The following CEP63 variants were observed in gnomAD, a reference collection of about 807,000 sequenced individuals.
CEP63 encodes centrosomal protein 63, also known as centrosomal protein of 63 kDa.
CEP63 carries 84 observed loss-of-function variants against 89.1 expected under a neutral mutation model. The ratio of observed to expected loss-of-function variants is 0.94; its 90% confidence interval spans 0.79 to 1.13. CEP63 has a LOEUF of 1.13. Among genes scored for constraint, CEP63 ranks in the 50% most tolerant of loss-of-function variants. The probability of loss-of-function intolerance (pLI) is 0.00; values close to 1 mark genes in which losing one functional copy is unlikely to be tolerated. For synonymous variants in CEP63, 267 were observed against 272.5 expected (o/e 0.98, Z 0.20); for missense variants, 838 against 813.3 (o/e 1.03, Z -0.37).
chr3:134,755,452 G>T, the CEP63 span, among the ~76,000 whole-genome samples: 1 of 152,204 alleles, frequency 6.6e-6, no homozygotes, highest in South Asian at 2.1e-4. Context: ...TATATGCACA[G>T]GGCACTTTGG....
At chr3:134,717,596 T>C in the CEP63 span, among the ~76,000 whole-genome samples, 1 of 152,140 alleles carries the variant, frequency 6.6e-6, no homozygotes, top group South Asian at 2.1e-4. Flanking sequence ...GCCAGTAACA[T>C]AGTGTGTGTA....
chr3:134,502,321 G>A (rs893804114), intron 2 of CEP63, among the ~76,000 whole-genome samples: 7 of 151,992 alleles, frequency 4.6e-5, no homozygotes, highest in African/African-American at 1.7e-4. Flanking sequence ...TTTGGTATCA[G>A]GGTGATGTTG....
At chr3:134,769,122 G>C in the CEP63 span, among the ~76,000 whole-genome samples, 1 of 151,368 alleles carries the variant, frequency 6.6e-6, no homozygotes, top group Non-Finnish European at 1.5e-5. Flanking sequence ...GATTTTTTTT[G>C]TGAGCTCCAA....
At chr3:134,533,481 ACTTC>A (rs1184645713) in intron 5 of CEP63, among the ~76,000 whole-genome samples, 1 of 152,186 alleles carries the variant, frequency 6.6e-6, no homozygotes, top group Non-Finnish European at 1.5e-5. Flanking sequence ...TAAGGCATTC[ACTTC>A]CTTCTCTGCT....
chr3:134,494,367 C>T (rs567408182), intron 1 of CEP63, among the ~76,000 whole-genome samples: 4 of 151,978 alleles, frequency 2.6e-5, no homozygotes, highest in South Asian at 2.1e-4. Context: ...CCGCCTCCCT[C>T]GGCCTCCCAA....
intron 2 of CEP63, among the ~76,000 whole-genome samples, chr3:134,504,114 T>TC (rs1491136676): frequency 4.7e-4 from 43 of 91,894 alleles, no homozygotes; most frequent in Admixed American, 2.0e-3. Context: ...TCTCTCTCTC[T>TC]TTTTTTTTTT....
chr3:134,768,826 A>C, the CEP63 span, among the ~76,000 whole-genome samples: 2 of 152,224 alleles, frequency 1.3e-5, no homozygotes, highest in African/African-American at 4.8e-5. Context: ...TAGGGAGACT[A>C]TCCAGACTTG....
the CEP63 span, among the ~76,000 whole-genome samples, chr3:134,624,674 G>A: frequency 9.9e-5 from 15 of 152,016 alleles, no homozygotes; most frequent in Non-Finnish European, 1.6e-4. Flanking sequence ...CTGCATCCAC[G>A]GTCCTCCCAT....
At chr3:134,552,808 A>G (rs1026283386) in intron 12 of CEP63, 1 of 152,154 alleles carries the variant, frequency 6.6e-6, no homozygotes, top group African/African-American at 2.4e-5. Flanking sequence ...AGTAGGTGCT[A>G]TAATGAACAC....
chr3:134,514,958 A>G (rs529709215), intron 3 of CEP63, among the ~76,000 whole-genome samples: 4 of 152,274 alleles, frequency 2.6e-5, no homozygotes, highest in Non-Finnish European at 2.9e-5. Context: ...GGCTTAAGCA[A>G]TCCTACCTCA....
chr3:134,522,003 G>A (rs1279240631), intron 3 of CEP63, among the ~76,000 whole-genome samples: 1 of 152,058 alleles, frequency 6.6e-6, no homozygotes, highest in African/African-American at 2.4e-5. Context: ...ATTTTGGTTT[G>A]CAAATCAAAC....
downstream of CEP63, among the ~76,000 whole-genome samples, chr3:134,579,036 C>A (rs144242669): frequency 3.6e-3 from 550 of 152,360 alleles, 8 homozygotes; most frequent in African/African-American, 0.013. Flanking sequence ...GGATTACAGG[C>A]GTGAGCCACT....
rs763593633 is a variant in CEP63, at chr3:134,564,352, T to TC, written c.*2822dup. The TC allele has an allele frequency of 1.0e-6, 1 of 985,260 alleles. No individual in the cohort carries two copies. Among genetic ancestry groups the TC allele is most frequent in the South Asian group, 4.7e-5 (1 of 21,288 alleles). 61.0% of individuals were successfully genotyped at this position (985,260 alleles called of 1,614,324 possible). On this transcript the variant is annotated 3_prime_UTR_variant, in exon 15 of 15. Coordinates refer to ENST00000675561, the MANE Select transcript of CEP63 (RefSeq NM_001353108.3). ...ACACCCTGTCATGTGCTCCTAAAAC[T>TC]CCCCCTTTACTTGGCTACTTTATCT...
At chr3:134,739,634 A>G in the CEP63 span, among the ~76,000 whole-genome samples, 2 of 152,222 alleles carry the variant, frequency 1.3e-5, no homozygotes, top group African/African-American at 4.8e-5. Context: ...AAAGACAGCA[A>G]TCTATAGGAT....
chr3:134,486,549 G>A, intron 1 of CEP63: 3 of 985,422 alleles, frequency 3.0e-6, no homozygotes, highest in Non-Finnish European at 3.6e-6. Flanking sequence ...GCTTCGGAGA[G>A]TGGCCAGGTG....
At chr3:134,762,184 C>G in the CEP63 span, among the ~76,000 whole-genome samples, 1 of 152,124 alleles carries the variant, frequency 6.6e-6, no homozygotes, top group Admixed American at 6.5e-5. Flanking sequence ...GGTTCAGACT[C>G]TAAAATATCA....
the CEP63 span, among the ~76,000 whole-genome samples, chr3:134,679,727 G>C: frequency 1.3e-5 from 2 of 152,110 alleles, no homozygotes; most frequent in Non-Finnish European, 2.9e-5. Flanking sequence ...TGGCAATTTT[G>C]TTTGTTTGTT....
At position 134,492,711 on chromosome 3, in the gene CEP63, A is replaced by T. The variant is rs1337217310; in HGVS notation, c.-25-2585A>T. ...CAGTAGTGATGTCATACTTCAGTTT[A>T]ATTTCTTTTTTTATTGCAAAGACAC... On this transcript the variant is annotated intron_variant, in intron 1 of 14. Transcript: ENST00000675561. Among the ~76,000 whole-genome samples the T allele has an allele frequency of 5.3e-5, 8 of 152,000 alleles. No homozygotes were observed. The South Asian group carries it at 1.7e-3, about 32-fold the overall frequency.
At chr3:134,504,362 G>A (rs1414697853) in intron 2 of CEP63, among the ~76,000 whole-genome samples, 1 of 152,118 alleles carries the variant, frequency 6.6e-6, no homozygotes, top group Non-Finnish European at 1.5e-5. Flanking sequence ...GTTGGGTATA[G>A]TATTCTTAGA....
Sources: allele counts gnomAD v4.1 joint callset (sites outside exome capture counted in the v4.1 genomes callset), GRCh38; gene constraint gnomAD v4.1.1; transcripts MANE v1.5; gene names NCBI Gene and HGNC (gene_info 2026-07-23, HGNC 2026-07-21).